The following ACYP2 variants were observed in gnomAD, a reference collection of about 807,000 sequenced individuals.
ACYP2 encodes the protein acylphosphatase 2, also known as acylphosphatase-2.
A neutral mutation model predicts 11.2 loss-of-function variants in ACYP2; 12 were observed. The ratio of observed to expected loss-of-function variants is 1.08; its 90% confidence interval spans 0.69 to 1.74. The LOEUF is 1.74. Among genes scored for constraint, ACYP2 ranks in the 40% most tolerant of loss-of-function variants. The probability of loss-of-function intolerance (pLI) is 0.00; values close to 1 mark genes in which losing one functional copy is unlikely to be tolerated. For synonymous variants in ACYP2, 43 were observed against 32.2 expected, an observed-to-expected ratio of 1.33 and a Z score of -1.13; for missense variants, 134 against 101.9, an observed-to-expected ratio of 1.31 and a Z score of -1.35.
At chr2:54,188,949 C>T (rs1684124954) in intron 6 of ACYP2, among the ~76,000 whole-genome samples, 1 of 152,162 alleles carries the variant, frequency 6.6e-6, no homozygotes, top group Non-Finnish European at 1.5e-5. Flanking sequence ...ACCTGCCTAC[C>T]CAAGGACTTT....
intron 6 of ACYP2, chr2:54,255,975 G>A: frequency 1.9e-6 from 3 of 1,614,078 alleles, no homozygotes; most frequent in Middle Eastern, 1.6e-4. Flanking sequence ...CCTGGGGCGC[G>A]ACCCCCTCCT....
chr2:54,214,439 G>C (rs1685469481), intron 6 of ACYP2, among the ~76,000 whole-genome samples: 2 of 152,218 alleles, frequency 1.3e-5, no homozygotes, highest in African/African-American at 2.4e-5. Context: ...AAGGAGTCCA[G>C]TTTCAATCTT....
chr2:54,215,680 A>G (rs1685528329), intron 6 of ACYP2, among the ~76,000 whole-genome samples: 1 of 152,214 alleles, frequency 6.6e-6, no homozygotes, highest in Non-Finnish European at 1.5e-5. Context: ...AATTTCTTAT[A>G]AAACTGGAAG....
chr2:54,055,179 G>A (rs1244435675), intron 3 of ACYP2, among the ~76,000 whole-genome samples: 1 of 152,048 alleles, frequency 6.6e-6, no homozygotes, highest in Non-Finnish European at 1.5e-5. Context: ...TGGGACTACA[G>A]GTGTGCACCA....
At chr2:53,979,476 A>T (rs1573433557) in intron 2 of ACYP2, among the ~76,000 whole-genome samples, 1 of 151,554 alleles carries the variant, frequency 6.6e-6, no homozygotes, top group Non-Finnish European at 1.5e-5. Flanking sequence ...AAAATAAAAA[A>T]ATTAGCCAGG....
chr2:54,131,908 G>T (rs1036867952), intron 4 of ACYP2, among the ~76,000 whole-genome samples: 14 of 152,166 alleles, frequency 9.2e-5, no homozygotes, highest in African/African-American at 1.4e-4. Flanking sequence ...AGGGGCCCAA[G>T]AATTTTATTT....
intron 6 of ACYP2, among the ~76,000 whole-genome samples, chr2:54,162,238 T>G (rs1324020148): frequency 6.6e-6 from 1 of 152,240 alleles, no homozygotes; most frequent in Non-Finnish European, 1.5e-5. Flanking sequence ...TTATGAATAA[T>G]GCCAGGAGAG....
chr2:53,993,000 G>A (rs1216133923), intron 2 of ACYP2, among the ~76,000 whole-genome samples: 1 of 152,054 alleles, frequency 6.6e-6, no homozygotes, highest in Non-Finnish European at 1.5e-5. Flanking sequence ...GAATCCAGGA[G>A]TTCGAGACCA....
chr2:54,173,231 C>T (rs1020737753), intron 6 of ACYP2, among the ~76,000 whole-genome samples: 1 of 152,142 alleles, frequency 6.6e-6, no homozygotes, highest in Admixed American at 6.6e-5. Flanking sequence ...TCTTAATGAT[C>T]GCCATTCTAA....
rs1160643905 is a variant in ACYP2, at chr2:54,182,599, A to C, written c.404+43851A>C. Among the ~76,000 whole-genome samples, 3 of 152,212 alleles carry C rather than the reference A, an allele frequency of 2.0e-5. No homozygotes were observed. In the East Asian group the frequency reaches 5.8e-4, roughly 29 times the overall value. On this transcript the variant is annotated intron_variant, in intron 6 of 6. Coordinates refer to ENST00000607452, the MANE Select transcript of ACYP2 (RefSeq NM_001320586.2). ...GCAGTCCTCCTGCCTTGGCCTCCCA[A>C]AGTCCTGGAATTACAGGTGTGAGTG...
At position 54,123,489 on chromosome 2, in the gene ACYP2, T is replaced by G. The variant is rs112337306; in HGVS notation, c.278-11964T>G. 1,357 of 398,478 alleles carry G rather than the reference T, an allele frequency of 3.4e-3. 22 individuals carry two copies. The highest frequency in any genetic ancestry group is 0.026 in the African/African-American group (1,246 of 48,722). The allele number at this position is 398,478 out of a possible 1,614,324, so 24.7% of individuals were successfully genotyped here. ...TGGCATTAACAAAATTGAGATATAA[T>G]TTACATAACACTAAATATACAGTAG... On this transcript the variant is annotated intron_variant, in intron 4 of 6. Coordinates refer to ENST00000607452, the MANE Select transcript of ACYP2 (RefSeq NM_001320586.2).
At chr2:53,975,617 G>A (rs1671437204) in intron 2 of ACYP2, among the ~76,000 whole-genome samples, 1 of 152,114 alleles carries the variant, frequency 6.6e-6, no homozygotes, top group African/African-American at 2.4e-5. Flanking sequence ...CGGATCACAA[G>A]GTCAGGAGAT....
At chr2:54,056,137 G>C (rs78244745) in intron 3 of ACYP2, among the ~76,000 whole-genome samples, 7,108 of 152,270 alleles carry the variant, frequency 0.047, 232 homozygotes, top group Non-Finnish European at 0.06. Context: ...TAGAGAAAAA[G>C]AGCTGGTTGT....
At chr2:54,106,643 G>A (rs1679179885) in intron 4 of ACYP2, among the ~76,000 whole-genome samples, 1 of 152,146 alleles carries the variant, frequency 6.6e-6, no homozygotes, top group Non-Finnish European at 1.5e-5. Context: ...GGCTACAATG[G>A]CATGATCTCG....
chr2:54,058,542 A>G (rs1416019197), intron 4 of ACYP2, among the ~76,000 whole-genome samples: 1 of 152,134 alleles, frequency 6.6e-6, no homozygotes, highest in Non-Finnish European at 1.5e-5. Context: ...TATTTACATT[A>G]TGATGTCAGT....
intron 6 of ACYP2, among the ~76,000 whole-genome samples, chr2:54,256,875 C>A (rs575471128): frequency 6.6e-6 from 1 of 152,246 alleles, no homozygotes; most frequent in African/African-American, 2.4e-5. Context: ...GCCATGTTGG[C>A]CAGGCTGGTC....
intron 3 of ACYP2, among the ~76,000 whole-genome samples, chr2:54,055,497 T>C (rs1676093034): frequency 6.6e-6 from 1 of 152,246 alleles, no homozygotes; most frequent in Non-Finnish European, 1.5e-5. Context: ...ACATATATTG[T>C]CCAATTTCAT....
At chr2:54,126,597 CAAA>C (rs34045950) in intron 4 of ACYP2, among the ~76,000 whole-genome samples, 18 of 109,632 alleles carry the variant, frequency 1.6e-4, no homozygotes, top group Middle Eastern at 6.0e-3. Flanking sequence ...GTCAAATTTG[CAAA>C]AAAAAAAAAA....
chr2:54,071,632 A>G (rs1380699560), intron 4 of ACYP2, among the ~76,000 whole-genome samples: 1 of 151,964 alleles, frequency 6.6e-6, no homozygotes, highest in African/African-American at 2.4e-5. Context: ...CACCCAGATA[A>G]TTTTTTGACA....
Sources: gnomAD v4.1 joint callset for allele counts (sites outside exome capture counted in the v4.1 genomes callset) on GRCh38, gnomAD v4.1.1 for gene constraint, MANE v1.5 for transcripts, NCBI Gene and HGNC (gene_info 2026-07-23, HGNC 2026-07-21) for gene names.